Variants in DDAH2 observed in about 807,000 individuals in gnomAD.
The protein encoded by DDAH2 is DDAH family member 2, ADMA-independent, also known as putative hydrolase DDAH2.
Under a neutral mutation model 24.8 loss-of-function variants are expected in DDAH2, and 8 were observed. The ratio of observed to expected loss-of-function variants is 0.32; its 90% CI spans 0.19 to 0.58. DDAH2 has a LOEUF of 0.58. DDAH2 is among the 20% of genes least tolerant of loss of function. The pLI is 0.87. For synonymous variants in DDAH2, 151 were observed against 166.1 expected (o/e 0.91, Z 0.70); for missense variants, 281 against 379.0 (o/e 0.74, Z 2.15).
In DDAH2 at chr6:31,727,691, G is replaced by C; in HGVS notation, c.593C>G (p.Ala198Gly). The C allele has an allele frequency of 6.3e-7, 1 of 1,593,700 alleles. No homozygotes were observed. The highest frequency in any genetic ancestry group is 8.6e-7 in the Non-Finnish European group (1 of 1,169,466). The change falls in exon 5 of 6, where the codon GCA becomes GGA. Residue 198 changes from alanine (A) to glycine (G), a missense_variant and splice_region_variant. Transcript: ENST00000375789. This position sits in a 1 kb window ranked among gnomAD's most constrained non-coding sequence, Gnocchi z 6.0. ...TGGGTGATCTGTCAGCACTGCCATTGCCTAGAGGAAAGAGGAAGTGTTCGA... is the reference window on the plus strand; with the variant it reads ...TGGGTGATCTGTCAGCACTGCCATTCCCTAGAGGAAAGAGGAAGTGTTCGA... ...SSDAAQKAVR[A>G]MAVLTDHPYA... is the part of the protein sequence containing the mutation.
Position 31,727,582 on chromosome 6 carries a change from G to A in DDAH2, c.702C>T (p.Leu234=). The part of the protein sequence containing the change: ...RPGLPGVPPF[L]LHRGGGDLPN... ...GCAGATCCCCACCTCCACGGTGCAG[G>A]AGGAAAGGGGGCACACCAGGCAACC... The change falls in exon 5 of 6, where the codon CTC becomes CTT. Residue 234 remains leucine, a synonymous_variant. Transcript: ENST00000375789. This position sits in a 1 kb window ranked among gnomAD's most constrained non-coding sequence, Gnocchi z 6.0. 6.2e-7 allele frequency: 1 copy of A among 1,613,084 alleles called. No individual in the cohort carries two copies. The highest frequency in any genetic ancestry group is 8.5e-7 in the Non-Finnish European group (1 of 1,180,012).
chr6:31,728,204 C>A lies in DDAH2; in HGVS notation c.560G>T (p.Gly187Val). The A allele has an allele frequency of 6.2e-7, 1 of 1,612,692 alleles. No individual in the cohort carries two copies. Among genetic ancestry groups the A allele is most frequent in the Non-Finnish European group, 8.5e-7 (1 of 1,179,930 alleles). The change falls in exon 4 of 6, where the codon GGC becomes GTC. Residue 187 changes from glycine to valine, a missense_variant. By Grantham distance (109) the Gly-to-Val change is moderately radical (BLOSUM62 -3). Coordinates refer to ENST00000375789, the MANE Select transcript of DDAH2 (RefSeq NM_001303007.2). This position sits in a 1 kb window ranked among gnomAD's most constrained non-coding sequence, Gnocchi z 9.8. ...GMGGPRTVVAGSSDAAQKAVR... is the reference protein window; with the variant it reads ...GMGGPRTVVAVSSDAAQKAVR... ...AGCCTTTTGGGCAGCGTCGCTGCTGCCTGCCACAACAGTGCGAGGTCCCCC... is the reference window on the plus strand; with the variant it reads ...AGCCTTTTGGGCAGCGTCGCTGCTGACTGCCACAACAGTGCGAGGTCCCCC...
In DDAH2 at chr6:31,727,157, C is replaced by A; in HGVS notation, c.*80G>T. On this transcript the variant is annotated 3_prime_UTR_variant, in exon 6 of 6. Coordinates refer to ENST00000375789, the MANE Select transcript of DDAH2 (RefSeq NM_001303007.2). This position sits in a 1 kb window ranked among gnomAD's most constrained non-coding sequence, Gnocchi z 6.0. ...TCTCTCCCAACTACTGCCTATTCAGCATTCTCTATCTAACCCTCCTTCCCC... is the reference window on the plus strand; with the variant it reads ...TCTCTCCCAACTACTGCCTATTCAGAATTCTCTATCTAACCCTCCTTCCCC... 1 of 1,046,702 alleles carries A rather than the reference C, an allele frequency of 9.6e-7. No homozygotes were observed. Among genetic ancestry groups the A allele is most frequent in the Non-Finnish European group, 1.5e-6 (1 of 682,484 alleles). 64.8% of individuals were successfully genotyped at this position (1,046,702 alleles called of 1,614,324 possible).
chr6:31,727,727 C>A lies in DDAH2; in HGVS notation c.592-35G>T, dbSNP rs1419756566. 1 of 1,552,872 alleles carries A rather than the reference C, an allele frequency of 6.4e-7. No individual in the cohort carries two copies. Among genetic ancestry groups the A allele is most frequent in the South Asian group, 1.2e-5 (1 of 80,946 alleles). On this transcript the variant is annotated intron_variant, in intron 4 of 5. Transcript: ENST00000375789. This position sits in a 1 kb window ranked among gnomAD's most constrained non-coding sequence, Gnocchi z 6.0. ...AGAGGAAGTGTTCGAGTCTCAGAAC[C>A]TCTCCACAGCTGTGTCTGCCTGCTC...
At position 31,727,813 on chromosome 6, in the gene DDAH2, T is replaced by C. The variant is rs28366162; in HGVS notation, c.592-121A>G. On this transcript the variant is annotated intron_variant, in intron 4 of 5. Transcript: ENST00000375789. The surrounding 1 kb of genome is among the most constrained non-coding windows in gnomAD (Gnocchi z 6.0). The stretch of plus-strand genomic sequence containing the variant: ...GTGGAAAATAATGACAGCAAGCACA[T>C]AGAGCTTACGATATGTCAGACACTA... 70,447 of 1,126,690 alleles carry C rather than the reference T, an allele frequency of 0.063. 3,008 individuals carry two copies. The highest frequency in any genetic ancestry group is 0.15 in the African/African-American group (9,904 of 64,002). 69.8% of individuals were successfully genotyped at this position (1,126,690 alleles called of 1,614,324 possible).
Position 31,727,807 on chromosome 6 carries a change from A to G in DDAH2, c.592-115T>C. The G allele has an allele frequency of 6.0e-6, 7 of 1,168,498 alleles. No homozygotes were observed. In the South Asian group the frequency reaches 9.0e-5, roughly 15 times the overall value. The allele number at this position is 1,168,498 out of a possible 1,614,324, so 72.4% of individuals were successfully genotyped here. A position where few individuals can be genotyped will look rare whatever the true frequency, so the allele number is the denominator to read the frequency against. ...ACATTTGTGGAAAATAATGACAGCAAGCACATAGAGCTTACGATATGTCAG... is the reference window on the plus strand; with the variant it reads ...ACATTTGTGGAAAATAATGACAGCAGGCACATAGAGCTTACGATATGTCAG... On this transcript the variant is annotated intron_variant, in intron 4 of 5. Coordinates refer to ENST00000375789, the MANE Select transcript of DDAH2 (RefSeq NM_001303007.2). This position sits in a 1 kb window ranked among gnomAD's most constrained non-coding sequence, Gnocchi z 6.0.
Position 31,728,572 on chromosome 6 carries a change from A to G in DDAH2, c.398-48T>C. On this transcript the variant is annotated intron_variant, in intron 2 of 5. Transcript: ENST00000375789. The surrounding 1 kb of genome is among the most constrained non-coding windows in gnomAD (Gnocchi z 9.8). ...GTTTGAGGGCGGGAGTGAGTTAGAA[A>G]CAAGGCTCCAGACGGCCGAGTCTCC... The G allele has an allele frequency of 3.1e-6, 5 of 1,612,032 alleles. No individual in the cohort carries two copies. The highest frequency in any genetic ancestry group is 4.2e-6 in the Non-Finnish European group (5 of 1,179,334).
chr6:31,728,832 T>G lies in DDAH2; in HGVS notation c.297+33A>C. 2 of 1,611,140 alleles carry G rather than the reference T, an allele frequency of 1.2e-6. No homozygotes were observed. Among genetic ancestry groups the G allele is most frequent in the Non-Finnish European group, 1.7e-6 (2 of 1,179,040 alleles). On this transcript the variant is annotated intron_variant, in intron 1 of 5. Transcript: ENST00000375789. The surrounding 1 kb of genome is among the most constrained non-coding windows in gnomAD (Gnocchi z 9.8). ...CCCCGACATCCAGTTCCTTCTGCCT[T>G]TCCCCATACCACACCCGCGCCACGG...
chr6:31,727,789 T>C lies in DDAH2; in HGVS notation c.592-97A>G. 3 of 1,337,490 alleles carry C rather than the reference T, an allele frequency of 2.2e-6. No individual in the cohort carries two copies. The highest frequency in any genetic ancestry group is 3.1e-6 in the Non-Finnish European group (3 of 975,336). The allele number at this position is 1,337,490 out of a possible 1,614,324, so 82.9% of individuals were successfully genotyped here. A position where few individuals can be genotyped will look rare whatever the true frequency, so the allele number is the denominator to read the frequency against. ...AGGGCTGGGGACGGACTGACATTTG[T>C]GGAAAATAATGACAGCAAGCACATA... is the stretch of plus-strand genomic sequence containing the variant. On this transcript the variant is annotated intron_variant, in intron 4 of 5. Coordinates refer to ENST00000375789, the MANE Select transcript of DDAH2 (RefSeq NM_001303007.2). The surrounding 1 kb of genome is among the most constrained non-coding windows in gnomAD (Gnocchi z 6.0).
chr6:31,729,285 G>A lies in DDAH2; in HGVS notation c.-124C>T, dbSNP rs1369484944. ...AAAAGACATGCAGACAAGGGCGTTG[G>A]GGGTGGTTAAGAGCGCCCAGGTCTT... On this transcript the variant is annotated 5_prime_UTR_variant, in exon 1 of 6. Transcript: ENST00000375789. This position sits in a 1 kb window ranked among gnomAD's most constrained non-coding sequence, Gnocchi z 6.7. 1 of 909,968 alleles carries A rather than the reference G, an allele frequency of 1.1e-6. No individual in the cohort carries two copies. Among genetic ancestry groups the A allele is most frequent in the Admixed American group, 2.6e-5 (1 of 38,858 alleles). The allele number at this position is 909,968 out of a possible 1,614,324, so 56.4% of individuals were successfully genotyped here.
Position 31,728,270 on chromosome 6 carries a change from G to A in DDAH2, c.494C>T (p.Pro165Leu), listed in dbSNP as rs1807544088. ...GCGCAGGTGGGAGGGACCCGAGACTGGCACAGTGGAGACGGCGAAGTCCTA... is the reference window on the plus strand; with the variant it reads ...GCGCAGGTGGGAGGGACCCGAGACTAGCACAGTGGAGACGGCGAAGTCCTA... ...TFRDFAVSTV[P>L]VSGPSHLRGL... Residue 165 changes from proline to leucine, a missense_variant, in exon 4 of 6, where the codon CCA becomes CTA. Coordinates refer to ENST00000375789, the MANE Select transcript of DDAH2 (RefSeq NM_001303007.2). This position sits in a 1 kb window ranked among gnomAD's most constrained non-coding sequence, Gnocchi z 9.8. 6.2e-7 allele frequency: 1 copy of A among 1,611,630 alleles called. No individual in the cohort carries two copies. Among genetic ancestry groups the A allele is most frequent in the African/African-American group, 1.3e-5 (1 of 74,898 alleles).
Position 31,727,077 on chromosome 6 carries a change from G to A in DDAH2, c.*160C>T. On this transcript the variant is annotated 3_prime_UTR_variant, in exon 6 of 6. Coordinates refer to ENST00000375789, the MANE Select transcript of DDAH2 (RefSeq NM_001303007.2). This position sits in a 1 kb window ranked among gnomAD's most constrained non-coding sequence, Gnocchi z 6.0. ...TCTATTTTATTGGTTCTGAGAGGGA[G>A]GATTCACCCAGTGGATCCTTTTCCC... The A allele has an allele frequency of 1.5e-6, 1 of 677,666 alleles. No homozygotes were observed. Among genetic ancestry groups the A allele is most frequent in the South Asian group, 1.8e-5 (1 of 57,078 alleles). The allele number at this position is 677,666 out of a possible 1,614,324, so 42.0% of individuals were successfully genotyped here.
In DDAH2 at chr6:31,727,734, C is replaced by T; in HGVS notation, c.592-42G>A. The T allele has an allele frequency of 6.5e-7, 1 of 1,544,338 alleles. No individual in the cohort carries two copies. Among genetic ancestry groups the T allele is most frequent in the Non-Finnish European group, 8.7e-7 (1 of 1,145,728 alleles). On this transcript the variant is annotated intron_variant, in intron 4 of 5. Coordinates refer to ENST00000375789, the MANE Select transcript of DDAH2 (RefSeq NM_001303007.2). This position sits in a 1 kb window ranked among gnomAD's most constrained non-coding sequence, Gnocchi z 6.0. ...GTGTTCGAGTCTCAGAACCTCTCCA[C>T]AGCTGTGTCTGCCTGCTCAACCACC...
In DDAH2 at chr6:31,728,684, T is replaced by TC; in HGVS notation, c.358dup (p.Glu120GlyfsTer9). 1 of 1,613,052 alleles carries TC rather than the reference T, an allele frequency of 6.2e-7. No individual in the cohort carries two copies. The highest frequency in any genetic ancestry group is 8.5e-7 in the Non-Finnish European group (1 of 1,180,002). The stretch of plus-strand genomic sequence containing the variant: ...GTCAGTGCCATCCAGCGTCGCGTTC[T>TC]CGTCTCCTATTTCCACAATTCGGAG... On this transcript the variant is annotated frameshift_variant, in exon 2 of 6. Coordinates refer to ENST00000375789, the MANE Select transcript of DDAH2 (RefSeq NM_001303007.2). LOFTEE classifies it high-confidence loss of function. This position sits in a 1 kb window ranked among gnomAD's most constrained non-coding sequence, Gnocchi z 9.8.
Position 31,728,870 on chromosome 6 carries a change from G to T in DDAH2, c.292C>A (p.Pro98Thr), listed in dbSNP as rs751346909. Residue 98 changes from proline to threonine, a missense_variant, in exon 1 of 6, where the codon CCA becomes ACA. Coordinates refer to ENST00000375789, the MANE Select transcript of DDAH2 (RefSeq NM_001303007.2). This position sits in a 1 kb window ranked among gnomAD's most constrained non-coding sequence, Gnocchi z 9.8. ...ACCCGCGCCACGGCGCTCACCTCTG[G>T]CCTACGAGCGGGGCTCCAGGGCCGC... The part of the protein sequence containing the change: ...ITRPWSPARR[P>T]EVDGVRKALQ... 1.9e-6 allele frequency: 3 copies of T among 1,612,546 alleles called. No individual in the cohort carries two copies. Among genetic ancestry groups the T allele is most frequent in the Admixed American group, 3.3e-5 (2 of 59,994 alleles).
Position 31,728,964 on chromosome 6 carries a change from C to T in DDAH2, c.198G>A (p.Glu66=). The T allele has an allele frequency of 1.2e-6, 2 of 1,613,152 alleles. No homozygotes were observed. Among genetic ancestry groups the T allele is most frequent in the Non-Finnish European group, 1.7e-6 (2 of 1,180,046 alleles). ...LGLQLLELPP[E]ESLPLGPLLG... is the part of the protein sequence containing the mutation. ...GCAGCGGTCCCAGCGGCAATGACTC[C>T]TCAGGTGGCAGTTCTAGCAGCTGTA... Residue 66 remains glutamate (E), a synonymous_variant, in exon 1 of 6, where the codon GAG becomes GAA. Transcript: ENST00000375789. This position sits in a 1 kb window ranked among gnomAD's most constrained non-coding sequence, Gnocchi z 9.8.
At position 31,728,810 on chromosome 6, in the gene DDAH2, C is replaced by G; in HGVS notation, c.297+55G>C. 3.1e-6 allele frequency: 5 copies of G among 1,610,942 alleles called. No homozygotes were observed. The highest frequency in any genetic ancestry group is 2.2e-5 in the South Asian group (2 of 90,876). On this transcript the variant is annotated intron_variant, in intron 1 of 5. Transcript: ENST00000375789. The surrounding 1 kb of genome is among the most constrained non-coding windows in gnomAD (Gnocchi z 9.8). ...CATCCTCAATTCTTCCCCAAAGCCC[C>G]GACATCCAGTTCCTTCTGCCTTTCC...
chr6:31,728,023 T>C lies in DDAH2; in HGVS notation c.591+150A>G. On this transcript the variant is annotated intron_variant, in intron 4 of 5. Coordinates refer to ENST00000375789, the MANE Select transcript of DDAH2 (RefSeq NM_001303007.2). This position sits in a 1 kb window ranked among gnomAD's most constrained non-coding sequence, Gnocchi z 9.8. ...ATCACCCCTGTTCCCAGTCCTGCTGTTGTAACTTCTTATTTTCTCCTGTGT... is the reference window on the plus strand; with the variant it reads ...ATCACCCCTGTTCCCAGTCCTGCTGCTGTAACTTCTTATTTTCTCCTGTGT... The C allele has an allele frequency of 9.8e-7, 1 of 1,019,420 alleles. No individual in the cohort carries two copies. The highest frequency in any genetic ancestry group is 1.4e-6 in the Non-Finnish European group (1 of 708,828). 63.1% of individuals were successfully genotyped at this position (1,019,420 alleles called of 1,614,324 possible).
chr6:31,728,575 A>G lies in DDAH2; in HGVS notation c.398-51T>C. The G allele has an allele frequency of 1.2e-6, 2 of 1,611,890 alleles. No homozygotes were observed. Among genetic ancestry groups the G allele is most frequent in the Non-Finnish European group, 1.7e-6 (2 of 1,179,222 alleles). On this transcript the variant is annotated intron_variant, in intron 2 of 5. Coordinates refer to ENST00000375789, the MANE Select transcript of DDAH2 (RefSeq NM_001303007.2). The surrounding 1 kb of genome is among the most constrained non-coding windows in gnomAD (Gnocchi z 9.8). ...TGAGGGCGGGAGTGAGTTAGAAACAAGGCTCCAGACGGCCGAGTCTCCCAA... is the reference window on the plus strand; with the variant it reads ...TGAGGGCGGGAGTGAGTTAGAAACAGGGCTCCAGACGGCCGAGTCTCCCAA...
Sources: gnomAD v4.1 joint callset for allele counts on GRCh38, gnomAD v4.1.1 for gene constraint, Gnocchi (gnomAD v3.1) non-coding constraint, MANE v1.5 for transcripts, NCBI Gene and HGNC (gene_info 2026-07-23, HGNC 2026-07-21) for gene names.